Variants in AGBL4 observed in about 807,000 individuals in gnomAD.
AGBL4 encodes cytosolic carboxypeptidase 6.
Under a neutral mutation model 66.4 loss-of-function variants are expected in AGBL4, and 58 were observed. The observed-to-expected ratio is 0.87, with a 90% CI of 0.71 to 1.09. AGBL4 has a LOEUF of 1.09. Ranked by LOEUF, AGBL4 falls within the 50% of genes least tolerant of loss-of-function variation. The pLI is 0.00. For missense variants in AGBL4, 579 were observed against 631.0 expected (o/e 0.92, Z 0.88); for synonymous variants, 234 against 222.9 (o/e 1.05, Z -0.44).
intron 3 of AGBL4, among the ~76,000 whole-genome samples, chr1:49,433,535 C>T (rs1349750282): frequency 4.6e-5 from 7 of 152,138 alleles, no homozygotes; most frequent in Non-Finnish European, 1.0e-4. Context: ...TCCTATGTTT[C>T]TCACAAGTAG....
intron 4 of AGBL4, among the ~76,000 whole-genome samples, chr1:49,087,579 T>C (rs1184668886): frequency 1.3e-5 from 2 of 152,248 alleles, no homozygotes; most frequent in South Asian, 2.1e-4. Flanking sequence ...CTTAGAAATA[T>C]ATGATTACAT....
At chr1:48,936,734 A>C (rs1423525880) in intron 5 of AGBL4, among the ~76,000 whole-genome samples, 2 of 152,208 alleles carry the variant, frequency 1.3e-5, no homozygotes, top group Non-Finnish European at 2.9e-5. Flanking sequence ...GTTTGTTTGC[A>C]AAGATCTTTT....
At chr1:48,895,191 T>A (rs1357159756) in intron 5 of AGBL4, among the ~76,000 whole-genome samples, 1 of 152,222 alleles carries the variant, frequency 6.6e-6, no homozygotes, top group Non-Finnish European at 1.5e-5. Flanking sequence ...CCTGATTGAA[T>A]TCCATCTTGA....
rs570524845 is a variant in AGBL4, at chr1:49,802,414, T to G, written c.157+48982A>C. ...AGCTTCATGTCCTGTTTCTATGGAT[T>G]GTTTGTAACCAGCTTTTGCTGCAAC... On this transcript the variant is annotated intron_variant, in intron 2 of 13. Coordinates refer to ENST00000371839, the MANE Select transcript of AGBL4 (RefSeq NM_032785.4). Among the ~76,000 whole-genome samples, 115 of 152,322 alleles carry G rather than the reference T, an allele frequency of 7.5e-4. 1 individual carries two copies. The highest frequency in any genetic ancestry group is 2.6e-3 in the African/African-American group (110 of 41,576).
At chr1:48,921,043 T>C (rs1404676801) in intron 5 of AGBL4, among the ~76,000 whole-genome samples, 1 of 152,172 alleles carries the variant, frequency 6.6e-6, no homozygotes, top group Non-Finnish European at 1.5e-5. Context: ...AAGGAGCAGG[T>C]GGTGTTTTCG....
intron 1 of AGBL4, among the ~76,000 whole-genome samples, chr1:49,866,091 G>A (rs1646693900): frequency 6.6e-6 from 1 of 152,100 alleles, no homozygotes; most frequent in African/African-American, 2.4e-5. Context: ...GCAAAACTCT[G>A]AAAACTATGG....
intron 5 of AGBL4, among the ~76,000 whole-genome samples, chr1:49,034,593 G>A (rs1453123088): frequency 2.0e-5 from 3 of 152,120 alleles, no homozygotes; most frequent in African/African-American, 2.4e-5. Context: ...ATCCCCATGT[G>A]TTGTGGGAGG....
At chr1:49,211,563 T>C (rs1300363658) in intron 4 of AGBL4, among the ~76,000 whole-genome samples, 3 of 152,146 alleles carry the variant, frequency 2.0e-5, no homozygotes, top group Admixed American at 2.0e-4. Flanking sequence ...GTAGTAATAC[T>C]GGTAGTAGTG....
At chr1:49,359,386 TTAATA>T (rs1210361357) in intron 3 of AGBL4, among the ~76,000 whole-genome samples, 1 of 152,208 alleles carries the variant, frequency 6.6e-6, no homozygotes. Flanking sequence ...AGGTAATAGT[TTAATA>T]TAATTAAGTG....
chr1:49,963,170 GA>G (rs773772008), intron 1 of AGBL4, among the ~76,000 whole-genome samples: 60 of 152,252 alleles, frequency 3.9e-4, no homozygotes, highest in Non-Finnish European at 6.6e-4. Context: ...AATTTTATTG[GA>G]AAACTGCAAC....
At chr1:49,739,257 T>C (rs369544625) in intron 2 of AGBL4, among the ~76,000 whole-genome samples, 104 of 152,214 alleles carry the variant, frequency 6.8e-4, no homozygotes, top group Middle Eastern at 3.4e-3. Flanking sequence ...ACATGAGGAA[T>C]GCACAAGCCT....
chr1:49,745,943 G>T (rs1650952066), intron 2 of AGBL4, among the ~76,000 whole-genome samples: 1 of 151,920 alleles, frequency 6.6e-6, no homozygotes, highest in Non-Finnish European at 1.5e-5. Flanking sequence ...CAGTTCAGAT[G>T]AACACAAAAC....
At chr1:49,376,918 G>C (rs1644483932) in intron 3 of AGBL4, among the ~76,000 whole-genome samples, 1 of 152,188 alleles carries the variant, frequency 6.6e-6, no homozygotes, top group African/African-American at 2.4e-5. Context: ...ATGGTGCCCA[G>C]AATATTTTAA....
chr1:49,457,321 T>G (rs1646411840), intron 3 of AGBL4, among the ~76,000 whole-genome samples: 2 of 151,874 alleles, frequency 1.3e-5, no homozygotes, highest in Non-Finnish European at 2.9e-5. Flanking sequence ...TCCCTGATAA[T>G]TGATGAGGTT....
intron 1 of AGBL4, among the ~76,000 whole-genome samples, chr1:49,993,609 C>T (rs1475199267): frequency 1.3e-5 from 2 of 152,184 alleles, no homozygotes; most frequent in Non-Finnish European, 2.9e-5. Flanking sequence ...CAGAATTACA[C>T]ACCCCATCTT....
At position 49,661,296 on chromosome 1, in the gene AGBL4, A is replaced by G. The variant is rs145113424; in HGVS notation, c.282+36017T>C. Among the ~76,000 whole-genome samples the G allele has an allele frequency of 2.0e-5, 3 of 152,194 alleles. No homozygotes were observed. In the East Asian group the frequency reaches 5.8e-4, roughly 29 times the overall value. ...TAAAAAGAATAGTCCTGTGGTTTGGATGTTTTGTTCCCTCCAAGTCTCATG... is the reference window on the plus strand; with the variant it reads ...TAAAAAGAATAGTCCTGTGGTTTGGGTGTTTTGTTCCCTCCAAGTCTCATG... On this transcript the variant is annotated intron_variant, in intron 3 of 13. Coordinates refer to ENST00000371839, the MANE Select transcript of AGBL4 (RefSeq NM_032785.4).
intron 3 of AGBL4, among the ~76,000 whole-genome samples, chr1:49,494,764 A>G (rs1414891280): frequency 1.3e-5 from 2 of 151,970 alleles, no homozygotes; most frequent in East Asian, 3.9e-4. Flanking sequence ...TAGCAGCATG[A>G]TTTATAGTCC....
intron 3 of AGBL4, among the ~76,000 whole-genome samples, chr1:49,467,963 C>A (rs1470638275): frequency 6.6e-6 from 1 of 151,686 alleles, no homozygotes; most frequent in Non-Finnish European, 1.5e-5. Flanking sequence ...TATGCAAGTG[C>A]AATTATCAAA....
In AGBL4 at chr1:49,329,101, G is replaced by C. The variant is rs1645279336; in HGVS notation, c.283-83237C>G. Among the ~76,000 whole-genome samples, 4 of 152,132 alleles carry C rather than the reference G, an allele frequency of 2.6e-5. No homozygotes were observed. In the South Asian group the frequency reaches 8.3e-4, roughly 31 times the overall value. ...GTGGGAGGATCACTTGAGGTGAGGA[G>C]TTCAAGACCAGCCTGGCCAACATGG... On this transcript the variant is annotated intron_variant, in intron 3 of 13. Transcript: ENST00000371839.
Sources: allele counts gnomAD v4.1 joint callset (sites outside exome capture counted in the v4.1 genomes callset), GRCh38; gene constraint gnomAD v4.1.1; transcripts MANE v1.5; gene names NCBI Gene and HGNC (gene_info 2026-07-23, HGNC 2026-07-21).